MACROD2: variants seen among roughly 807,000 people sequenced by gnomAD.
MACROD2 encodes mono-ADP ribosylhydrolase 2.
In MACROD2, 36 loss-of-function variants were observed where a neutral mutation model predicts 70.4. The observed-to-expected ratio is 0.51, with a 90% CI of 0.39 to 0.68. The LOEUF is 0.68. Among genes scored for constraint, MACROD2 ranks in the 30% least tolerant of loss-of-function variants. The probability of loss-of-function intolerance (pLI) is 0.00; values close to 1 mark genes in which losing one functional copy is unlikely to be tolerated. For missense variants in MACROD2, 496 were observed against 538.4 expected (o/e 0.92, Z 0.78); for synonymous variants, 172 against 178.8 (o/e 0.96, Z 0.30).
intron 2 of MACROD2, among the ~76,000 whole-genome samples, chr20:14,050,124 A>G (rs1457845451): frequency 6.6e-6 from 1 of 150,700 alleles, no homozygotes; most frequent in African/African-American, 2.4e-5. Context: ...TGCCTGTAGT[A>G]GCTGGATACT....
At chr20:15,386,737 A>AT (rs1045036385) in intron 6 of MACROD2, among the ~76,000 whole-genome samples, 9 of 152,126 alleles carry the variant, frequency 5.9e-5, no homozygotes, top group African/African-American at 1.7e-4. Flanking sequence ...CACCCTATTC[A>AT]TTTTTTTCCC....
rs1265115755 is a variant in MACROD2 at position 14,323,946 on chromosome 20, CA to C, written c.272-169532del. 7.2e-5 allele frequency: 11 copies of C among 152,246 alleles called. No individual in the cohort carries two copies. The East Asian group carries it at 2.1e-3, about 29-fold the overall frequency. The allele number at this position is 152,246 out of a possible 1,614,324, so 9.4% of individuals were successfully genotyped here. On this transcript the variant is annotated intron_variant, in intron 3 of 17. Transcript: ENST00000684519. ...ATAAGTAAGAGGAAATACATTTATA[CA>C]TGAAACACTGAACTCTTTGAAGTAA...
chr20:14,846,345 T>G (rs1319177747), intron 5 of MACROD2, among the ~76,000 whole-genome samples: 1 of 152,078 alleles, frequency 6.6e-6, no homozygotes, highest in Non-Finnish European at 1.5e-5. Context: ...TGCCTCAGCC[T>G]CCTGAGTAGC....
chr20:14,460,499 T>A (rs2084355872), intron 3 of MACROD2, among the ~76,000 whole-genome samples: 1 of 152,126 alleles, frequency 6.6e-6, no homozygotes, highest in South Asian at 2.1e-4. Flanking sequence ...TTTTTTCATA[T>A]GTTTGTTGGC....
chr20:14,930,750 T>C lies in MACROD2; in HGVS notation c.418+245791T>C, dbSNP rs1397696033. On this transcript the variant is annotated intron_variant, in intron 5 of 17. Coordinates refer to ENST00000684519, the MANE Select transcript of MACROD2 (RefSeq NM_001351661.2). ...GGAGTTCAAGCCAGCCTGGGAAACA[T>C]AGGGAGAGCGTGTCTTAAAAAAAAA... Among the ~76,000 whole-genome samples the C allele has an allele frequency of 1.0e-4, 10 of 99,252 alleles. No individual in the cohort carries two copies. The South Asian group carries it at 1.5e-3, about 15-fold the overall frequency. The allele number at this position is 99,252 out of a possible 152,430, so 65.1% of individuals were successfully genotyped here.
chr20:15,871,272 C>T (rs574388569), intron 9 of MACROD2, among the ~76,000 whole-genome samples: 1 of 151,854 alleles, frequency 6.6e-6, no homozygotes, highest in Non-Finnish European at 1.5e-5. Flanking sequence ...TAAAATTTTA[C>T]CCAGGCAGTA....
rs554311945 is a variant in MACROD2, at chr20:15,129,457, G to C, written c.419-100483G>C. Among the ~76,000 whole-genome samples, 7 of 152,140 alleles carry C rather than the reference G, an allele frequency of 4.6e-5. No individual in the cohort carries two copies. In the South Asian group the frequency reaches 1.5e-3, roughly 32 times the overall value. On this transcript the variant is annotated intron_variant, in intron 5 of 17. Transcript: ENST00000684519. Reference sequence around the variant, plus strand: ...TCCTTGCACAGATTTACATGGCATGGCTCATGTAACACAATAGAAAGATTC... The same window carrying C: ...TCCTTGCACAGATTTACATGGCATGCCTCATGTAACACAATAGAAAGATTC...
chr20:14,365,468 C>G (rs1370744825), intron 3 of MACROD2, among the ~76,000 whole-genome samples: 1 of 151,190 alleles, frequency 6.6e-6, no homozygotes, highest in African/African-American at 2.4e-5. Context: ...ACATAATATT[C>G]CCACTTTCAT....
rs150387420 is a variant in MACROD2 at position 14,725,046 on chromosome 20, G to A, written c.418+40087G>A. ...TAGTTTCAGAGTATGTTTTGGGGGT[G>A]AAGTCAACAGGCTTGCTCATGGATT... On this transcript the variant is annotated intron_variant, in intron 5 of 17. Coordinates refer to ENST00000684519, the MANE Select transcript of MACROD2 (RefSeq NM_001351661.2). Among the ~76,000 whole-genome samples the A allele has an allele frequency of 7.9e-5, 12 of 152,230 alleles. No homozygotes were observed. In the East Asian group the frequency reaches 2.3e-3, roughly 29 times the overall value.
At chr20:15,404,670 CACTA>C (rs1416550122) in intron 6 of MACROD2, among the ~76,000 whole-genome samples, 1 of 152,214 alleles carries the variant, frequency 6.6e-6, no homozygotes, top group African/African-American at 2.4e-5. Flanking sequence ...CACTTCTGCA[CACTA>C]ACTTTCACTG....
intron 3 of MACROD2, among the ~76,000 whole-genome samples, chr20:14,102,294 G>A (rs1183736247): frequency 6.6e-6 from 1 of 151,958 alleles, no homozygotes; most frequent in Non-Finnish European, 1.5e-5. Context: ...GAGCGACCGC[G>A]GCTGGCCTTA....
At chr20:15,776,366 A>AGAG (rs1179436702) in intron 8 of MACROD2, among the ~76,000 whole-genome samples, 1 of 152,084 alleles carries the variant, frequency 6.6e-6, no homozygotes, top group African/African-American at 2.4e-5. Flanking sequence ...AATATTCTCC[A>AGAG]GAGTGATGGA....
intron 3 of MACROD2, among the ~76,000 whole-genome samples, chr20:14,101,531 T>C (rs1292180908): frequency 6.6e-6 from 1 of 152,124 alleles, no homozygotes; most frequent in East Asian, 1.9e-4. Context: ...TTTCCAACTA[T>C]AAAGCATTTA....
chr20:14,354,834 T>C (rs2083157833), intron 3 of MACROD2, among the ~76,000 whole-genome samples: 2 of 152,210 alleles, frequency 1.3e-5, no homozygotes, highest in African/African-American at 4.8e-5. Flanking sequence ...ATTGGCTTTA[T>C]GCCTATGAGT....
At chr20:14,366,200 G>T (rs2083270251) in intron 3 of MACROD2, among the ~76,000 whole-genome samples, 1 of 151,990 alleles carries the variant, frequency 6.6e-6, no homozygotes, top group Admixed American at 6.6e-5. Context: ...GCAGTGCATG[G>T]ATGTCTTCCA....
chr20:14,067,981 A>G (rs1351049734), intron 2 of MACROD2, among the ~76,000 whole-genome samples: 3 of 152,216 alleles, frequency 2.0e-5, no homozygotes, highest in African/African-American at 7.2e-5. Context: ...ACCATTCAAA[A>G]TATTAACATA....
At chr20:15,103,609 C>T (rs945491258) in intron 5 of MACROD2, among the ~76,000 whole-genome samples, 5 of 152,092 alleles carry the variant, frequency 3.3e-5, no homozygotes. Context: ...CAGAGGTGAA[C>T]AGCACAAGCT....
intron 5 of MACROD2, among the ~76,000 whole-genome samples, chr20:14,720,531 CACA>C (rs1252800908): frequency 8.0e-5 from 7 of 87,658 alleles, no homozygotes; most frequent in African/African-American, 2.6e-4. Flanking sequence ...CCAGCTGCCC[CACA>C]ACTTTTTTTT....
At chr20:14,522,208 A>G (rs1223110221) in intron 4 of MACROD2, among the ~76,000 whole-genome samples, 1 of 152,202 alleles carries the variant, frequency 6.6e-6, no homozygotes, top group Non-Finnish European at 1.5e-5. Flanking sequence ...TATTCTATTT[A>G]AAATATCAAG....
Sources: allele counts gnomAD v4.1 joint callset (sites outside exome capture counted in the v4.1 genomes callset), GRCh38; gene constraint gnomAD v4.1.1; transcripts MANE v1.5; gene names NCBI Gene and HGNC (gene_info 2026-07-23, HGNC 2026-07-21).